SCFD2: variants seen among roughly 807,000 people sequenced by gnomAD.
The protein encoded by SCFD2 is sec1 family domain-containing protein 2.
SCFD2 carries 54 observed loss-of-function variants against 58.9 expected under a neutral mutation model. The observed-to-expected ratio is 0.92, with a 90% CI of 0.74 to 1.15. SCFD2 has a LOEUF of 1.15. Among genes scored for constraint, SCFD2 ranks in the 50% most tolerant of loss-of-function variants. The probability of loss-of-function intolerance (pLI) is 0.00; values close to 1 mark genes in which losing one functional copy is unlikely to be tolerated. For synonymous variants in SCFD2, 321 were observed against 335.9 expected (o/e 0.96, Z 0.49); for missense variants, 805 against 836.6 (o/e 0.96, Z 0.47).
chr4:53,276,168 CAT>C (rs1731321011), intron 3 of SCFD2, among the ~76,000 whole-genome samples: 1 of 151,066 alleles, frequency 6.6e-6, no homozygotes, highest in Non-Finnish European at 1.5e-5. Context: ...TCTTATCAAA[CAT>C]ATCAGAAAGC....
chr4:52,955,555 A>G (rs990292122), intron 5 of SCFD2, among the ~76,000 whole-genome samples: 1 of 152,218 alleles, frequency 6.6e-6, no homozygotes, highest in Non-Finnish European at 1.5e-5. Flanking sequence ...AGAGGGGTTA[A>G]GTGATTTGTT....
At chr4:52,985,964 A>T (rs2109574455) in intron 5 of SCFD2, among the ~76,000 whole-genome samples, 1 of 152,216 alleles carries the variant, frequency 6.6e-6, no homozygotes, top group East Asian at 1.9e-4. Context: ...ATCGCCAGGA[A>T]ATAATTTCTT....
chr4:53,290,407 TAAAA>T (rs1731801431), intron 3 of SCFD2, among the ~76,000 whole-genome samples: 1 of 152,048 alleles, frequency 6.6e-6, no homozygotes, highest in African/African-American at 2.4e-5. Flanking sequence ...AAGAAAAATT[TAAAA>T]ATATCTTGAG....
chr4:53,342,353 G>A lies in SCFD2; in HGVS notation c.1007+10245C>T, dbSNP rs182963811. ...CTTTAAACCAACAAAGATCAAAAGA[G>A]ACAAAGAAGGCCATTACATAATGAT... On this transcript the variant is annotated intron_variant, in intron 2 of 8. Coordinates refer to ENST00000401642, the MANE Select transcript of SCFD2 (RefSeq NM_152540.4). 4.2e-3 allele frequency among the ~76,000 whole-genome samples: 632 copies of A among 152,198 alleles called. 3 individuals carry two copies. The highest frequency in any genetic ancestry group is 0.015 in the African/African-American group (610 of 41,528).
At chr4:53,331,059 A>G (rs1173234390) in intron 2 of SCFD2, among the ~76,000 whole-genome samples, 3 of 151,840 alleles carry the variant, frequency 2.0e-5, no homozygotes, top group African/African-American at 7.3e-5. Flanking sequence ...TCCTAAATAT[A>G]TATGCACCCA....
At chr4:53,182,523 A>C (rs1260577476) in intron 4 of SCFD2, among the ~76,000 whole-genome samples, 4 of 152,198 alleles carry the variant, frequency 2.6e-5, no homozygotes, top group African/African-American at 7.2e-5. Context: ...TAAAGACTTA[A>C]ATGTTAGACC....
intron 3 of SCFD2, among the ~76,000 whole-genome samples, chr4:53,311,694 G>A (rs577825248): frequency 4.0e-5 from 6 of 151,302 alleles, no homozygotes; most frequent in Admixed American, 2.6e-4. Context: ...GGAGTGCAGT[G>A]GCGCAATCTC....
chr4:53,268,091 T>C (rs1731046334), intron 4 of SCFD2, among the ~76,000 whole-genome samples: 1 of 151,978 alleles, frequency 6.6e-6, no homozygotes, highest in African/African-American at 2.4e-5. Context: ...GGCACAATAG[T>C]GGCTTAGGGC....
intron 2 of SCFD2, among the ~76,000 whole-genome samples, chr4:53,347,736 G>A (rs1734096881): frequency 6.6e-6 from 1 of 152,200 alleles, no homozygotes. Flanking sequence ...AAGAAGAAAA[G>A]AAGAGACACA....
intron 5 of SCFD2, among the ~76,000 whole-genome samples, chr4:53,073,814 T>C (rs371164029): frequency 1.3e-5 from 2 of 152,170 alleles, no homozygotes; most frequent in African/African-American, 4.8e-5. Context: ...CTAAAAACAA[T>C]GTACATACCT....
At chr4:53,316,021 A>G (rs547806988) in intron 2 of SCFD2, among the ~76,000 whole-genome samples, 1 of 152,084 alleles carries the variant, frequency 6.6e-6, no homozygotes, top group East Asian at 1.9e-4. Context: ...GCAGAGGAAC[A>G]CTCTTTCTAC....
chr4:53,073,061 T>C (rs1409359792), intron 5 of SCFD2, among the ~76,000 whole-genome samples: 1 of 152,120 alleles, frequency 6.6e-6, no homozygotes, highest in Non-Finnish European at 1.5e-5. Context: ...CAAAAAATAG[T>C]GTCTGTACTG....
At chr4:53,281,430 G>A (rs898497169) in intron 3 of SCFD2, among the ~76,000 whole-genome samples, 1 of 151,996 alleles carries the variant, frequency 6.6e-6, no homozygotes. Context: ...TATAGACAGG[G>A]GTGGCAACTT....
chr4:53,256,802 C>T (rs951025117), intron 4 of SCFD2, among the ~76,000 whole-genome samples: 24 of 150,632 alleles, frequency 1.6e-4, no homozygotes, highest in East Asian at 7.9e-4. Flanking sequence ...TGCAGTGAGC[C>T]GAGATGGCAG....
chr4:53,030,319 A>G lies in SCFD2; in HGVS notation c.1562-109449T>C, dbSNP rs182665108. The stretch of plus-strand genomic sequence containing the variant: ...ATGGTTCAAAAAACAGAAACAAAAA[A>G]GGAAATCCTGACAATACTAAGTGCT... On this transcript the variant is annotated intron_variant, in intron 5 of 8. Transcript: ENST00000401642. 2.6e-5 allele frequency among the ~76,000 whole-genome samples: 4 copies of G among 152,334 alleles called. No individual in the cohort carries two copies. In the East Asian group the frequency reaches 7.7e-4, roughly 29 times the overall value.
intron 4 of SCFD2, among the ~76,000 whole-genome samples, chr4:53,219,810 C>T (rs1462469218): frequency 6.6e-6 from 1 of 152,112 alleles, no homozygotes; most frequent in Non-Finnish European, 1.5e-5. Context: ...TAATGCTTAA[C>T]ATTATTTTAA....
At chr4:52,971,622 T>C (rs1046182880) in intron 5 of SCFD2, among the ~76,000 whole-genome samples, 4 of 152,120 alleles carry the variant, frequency 2.6e-5, no homozygotes, top group African/African-American at 2.4e-5. Flanking sequence ...ACTTCTCCAA[T>C]CTAGCAAGGC....
chr4:53,276,018 TTGTG>T (rs146091115), intron 3 of SCFD2, among the ~76,000 whole-genome samples: 7 of 148,512 alleles, frequency 4.7e-5, no homozygotes, highest in East Asian at 3.9e-4. Context: ...GTACAGGTCT[TTGTG>T]TGTGTGTGTG....
intron 5 of SCFD2, among the ~76,000 whole-genome samples, chr4:53,005,049 C>T (rs1160401903): frequency 6.6e-6 from 1 of 152,176 alleles, no homozygotes; most frequent in Non-Finnish European, 1.5e-5. Flanking sequence ...AGGCATGTGC[C>T]ACCACATCCG....
Sources: gnomAD v4.1 joint callset for allele counts (sites outside exome capture counted in the v4.1 genomes callset) on GRCh38, gnomAD v4.1.1 for gene constraint, MANE v1.5 for transcripts, NCBI Gene and HGNC (gene_info 2026-07-23, HGNC 2026-07-21) for gene names.